SGCZ: variants seen among roughly 807,000 people sequenced by gnomAD.
SGCZ encodes sarcoglycan zeta, also known as zeta-sarcoglycan.
In SGCZ, 40 loss-of-function variants were observed where a neutral mutation model predicts 41.3. The ratio of observed to expected loss-of-function variants is 0.97; its 90% CI spans 0.75 to 1.26. The LOEUF is 1.26. Among genes scored for constraint, SGCZ ranks in the 50% most tolerant of loss-of-function variants. The pLI is 0.00. For synonymous variants in SGCZ, 206 were observed against 137.5 expected (o/e 1.50, Z -3.49); for missense variants, 552 against 369.8 (o/e 1.49, Z -4.04).
At chr8:14,995,619 C>T (rs1453400358) in intron 1 of SGCZ, among the ~76,000 whole-genome samples, 1 of 152,122 alleles carries the variant, frequency 6.6e-6, no homozygotes, top group African/African-American at 2.4e-5. Flanking sequence ...AATGCAATGA[C>T]CATTCACTTG....
At chr8:14,597,316 G>C (rs1805443483) in intron 1 of SGCZ, among the ~76,000 whole-genome samples, 1 of 152,198 alleles carries the variant, frequency 6.6e-6, no homozygotes, top group African/African-American at 2.4e-5. Context: ...AAAAGTCAAG[G>C]ACTTTTAAGT....
chr8:14,785,446 A>C (rs1384729419), intron 1 of SGCZ, among the ~76,000 whole-genome samples: 1 of 152,124 alleles, frequency 6.6e-6, no homozygotes, highest in East Asian at 1.9e-4. Flanking sequence ...ACGATACCAA[A>C]ATTTAAAATG....
At chr8:14,524,448 C>G (rs1202274280) in intron 2 of SGCZ, among the ~76,000 whole-genome samples, 2 of 151,928 alleles carry the variant, frequency 1.3e-5, no homozygotes, top group East Asian at 3.9e-4. Flanking sequence ...TTTATATGAC[C>G]CTCAGTGATA....
At chr8:14,150,682 A>G (rs1225144728) in intron 5 of SGCZ, among the ~76,000 whole-genome samples, 1 of 152,184 alleles carries the variant, frequency 6.6e-6, no homozygotes, top group Non-Finnish European at 1.5e-5. Flanking sequence ...GTGTACACAC[A>G]AAAGAAGAGA....
chr8:15,153,695 A>G (rs971455741), intron 1 of SGCZ, among the ~76,000 whole-genome samples: 1 of 151,896 alleles, frequency 6.6e-6, no homozygotes, highest in Non-Finnish European at 1.5e-5. Flanking sequence ...TGCTCTCACC[A>G]TGTGAAGTGC....
intron 3 of SGCZ, among the ~76,000 whole-genome samples, chr8:14,275,268 A>G (rs1800190450): frequency 6.6e-6 from 1 of 152,186 alleles, no homozygotes. Flanking sequence ...GAATTCCTCC[A>G]TTGCCTACTC....
chr8:14,556,272 A>G lies in SGCZ; in HGVS notation c.40-1346T>C, dbSNP rs185303027. On this transcript the variant is annotated intron_variant, in intron 1 of 7. Coordinates refer to ENST00000382080, the MANE Select transcript of SGCZ (RefSeq NM_139167.4). Reference sequence around the variant, plus strand: ...CAGTTTTTTCTCAGATTGCTTTTATACTTATTAAATGACGAATCTAACATA... The same window carrying G: ...CAGTTTTTTCTCAGATTGCTTTTATGCTTATTAAATGACGAATCTAACATA... Among the ~76,000 whole-genome samples the G allele has an allele frequency of 2.4e-4, 36 of 151,870 alleles. No individual in the cohort carries two copies. The Middle Eastern group carries it at 0.011, about 45-fold the overall frequency.
At chr8:14,441,799 T>C (rs1038067420) in intron 2 of SGCZ, among the ~76,000 whole-genome samples, 1 of 152,168 alleles carries the variant, frequency 6.6e-6, no homozygotes. Flanking sequence ...CTCCTTTAAC[T>C]TTTTTGTCAG....
At chr8:14,757,713 C>G (rs760717294) in intron 1 of SGCZ, among the ~76,000 whole-genome samples, 1 of 152,156 alleles carries the variant, frequency 6.6e-6, no homozygotes, top group South Asian at 2.1e-4. Flanking sequence ...CCTTCCAAAT[C>G]GAATCAGAAC....
intron 1 of SGCZ, among the ~76,000 whole-genome samples, chr8:14,871,868 ATATG>A (rs1804165186): frequency 6.7e-6 from 1 of 149,408 alleles, no homozygotes; most frequent in African/African-American, 2.5e-5. Flanking sequence ...GTATGTATAT[ATATG>A]TATGTATATA....
chr8:14,657,527 T>G (rs1807615188), intron 1 of SGCZ, among the ~76,000 whole-genome samples: 1 of 152,142 alleles, frequency 6.6e-6, no homozygotes, highest in Non-Finnish European at 1.5e-5. Flanking sequence ...AAAAATCATT[T>G]AATTATTCAA....
At chr8:15,185,958 C>T (rs186455265) in intron 1 of SGCZ, among the ~76,000 whole-genome samples, 93 of 150,470 alleles carry the variant, frequency 6.2e-4, no homozygotes, top group Admixed American at 5.6e-3. Context: ...GGCGCGGTGG[C>T]TCACGTCTGT....
At chr8:14,844,043 T>C (rs905970368) in intron 1 of SGCZ, among the ~76,000 whole-genome samples, 1 of 151,304 alleles carries the variant, frequency 6.6e-6, no homozygotes, top group African/African-American at 2.4e-5. Context: ...TAATTCACAT[T>C]TTAAAAATTA....
At chr8:14,813,127 G>C (rs1380395770) in intron 1 of SGCZ, among the ~76,000 whole-genome samples, 2 of 152,134 alleles carry the variant, frequency 1.3e-5, no homozygotes, top group Non-Finnish European at 2.9e-5. Context: ...GATACTGGGA[G>C]AGCCATCACC....
At chr8:14,725,314 T>C (rs1437721323) in intron 1 of SGCZ, among the ~76,000 whole-genome samples, 1 of 152,218 alleles carries the variant, frequency 6.6e-6, no homozygotes, top group Non-Finnish European at 1.5e-5. Flanking sequence ...AGCTATCTCT[T>C]TGATATATTT....
intron 2 of SGCZ, among the ~76,000 whole-genome samples, chr8:14,470,581 T>A (rs546351371): frequency 1.3e-5 from 2 of 152,140 alleles, no homozygotes; most frequent in Non-Finnish European, 2.9e-5. Context: ...GAAAAAATCA[T>A]GTTTAGGAAA....
At chr8:14,144,183 G>A (rs141360229) in intron 5 of SGCZ, among the ~76,000 whole-genome samples, 8 of 152,214 alleles carry the variant, frequency 5.3e-5, no homozygotes, top group Middle Eastern at 3.4e-3. Context: ...GGCATCATCC[G>A]TCCCATAACC....
chr8:15,113,207 C>CAAA (rs59453647), intron 1 of SGCZ, among the ~76,000 whole-genome samples: 1 of 128,184 alleles, frequency 7.8e-6, no homozygotes, highest in Non-Finnish European at 1.7e-5. Context: ...AGACCTGGCT[C>CAAA]AAAAAAAAAA....
rs1056663170 is a variant in SGCZ at position 14,885,972 on chromosome 8, A to G, written c.40-331046T>C. Among the ~76,000 whole-genome samples, 2 of 131,980 alleles carry G rather than the reference A, an allele frequency of 1.5e-5. 1 individual carries two copies. Among genetic ancestry groups the G allele is most frequent in the Non-Finnish European group, 3.2e-5 (2 of 62,770 alleles). The allele number at this position is 131,980 out of a possible 152,430, so 86.6% of individuals were successfully genotyped here. On this transcript the variant is annotated intron_variant, in intron 1 of 7. Transcript: ENST00000382080. ...TGTACAGTCTGTCTTTTTTAATCATAAAGGACTTTATGTTATATATATATA... is the reference window on the plus strand; with the variant it reads ...TGTACAGTCTGTCTTTTTTAATCATGAAGGACTTTATGTTATATATATATA...
Sources: gnomAD v4.1 joint callset for allele counts (sites outside exome capture counted in the v4.1 genomes callset) on GRCh38, gnomAD v4.1.1 for gene constraint, MANE v1.5 for transcripts, NCBI Gene and HGNC (gene_info 2026-07-23, HGNC 2026-07-21) for gene names.